SLC12A1: variants seen among roughly 807,000 people sequenced by gnomAD.
SLC12A1 encodes Na-K-2Cl cotransporter.
Under a neutral mutation model 130.4 loss-of-function variants are expected in SLC12A1, and 89 were observed. That is an observed-to-expected ratio of 0.68 (90% confidence interval 0.58 to 0.81). The LOEUF is 0.81. Ranked by LOEUF, SLC12A1 falls within the 40% of genes least tolerant of loss-of-function variation. The pLI, the probability that SLC12A1 is intolerant of heterozygous loss-of-function variation, is 0.00. For missense variants in SLC12A1, 1,310 were observed against 1,336.4 expected, an observed-to-expected ratio of 0.98 and a Z score of 0.31; for synonymous variants, 499 against 460.0, an observed-to-expected ratio of 1.08 and a Z score of -1.09.
At position 48,229,292 on chromosome 15, in the gene SLC12A1, G is replaced by A. The variant is rs3825960; in HGVS notation, c.828G>A (p.Val276=). 2,284 of 1,605,054 alleles carry A rather than the reference G, an allele frequency of 1.4e-3. 41 individuals carry two copies. In the East Asian group the frequency reaches 0.048, roughly 34 times the overall value. ...ATGCAGTGGCTGTTGCTATGTATGTGGTGGGATTTGCTGAGACTGTAGTAG... is the reference window on the plus strand; with the variant it reads ...ATGCAGTGGCTGTTGCTATGTATGTAGTGGGATTTGCTGAGACTGTAGTAG... ...FANAVAVAMY[V]VGFAETVVDL... Residue 276 remains valine (V), a synonymous_variant, in exon 6 of 27, where the codon GTG becomes GTA. Transcript: ENST00000380993.
intron 21 of SLC12A1, 44 bp downstream of exon 21, chr15:48,285,293 C>T (rs2042046042): frequency 6.3e-7 from 1 of 1,589,982 alleles, no homozygotes; most frequent in Non-Finnish European, 8.6e-7. Context: ...CAAGATGAGT[C>T]ACTATTTGAG....
chr15:48,283,951 G>T (rs1207524970), intron 20 of SLC12A1, among the ~76,000 whole-genome samples: 1 of 152,164 alleles, frequency 6.6e-6, no homozygotes, highest in East Asian at 1.9e-4. Flanking sequence ...TCAGTGCAGG[G>T]TGAGGTCAAA....
rs74011996 is a variant in SLC12A1, at chr15:48,301,512, A to G, written c.3164+130A>G. ...TTTTTGTGTTTTTTTTGGGGGGGGG[A>G]ACACGTGGGATTCTTAGACAGTGAA... On this transcript the variant is annotated intron_variant, in intron 26 of 26. Coordinates refer to ENST00000380993, the MANE Select transcript of SLC12A1 (RefSeq NM_000338.3). 5.7e-3 allele frequency: 2,878 copies of G among 502,372 alleles called. 202 individuals carry two copies. The African/African-American group carries it at 0.074, about 13-fold the overall frequency. 31.1% of individuals were successfully genotyped at this position (502,372 alleles called of 1,614,324 possible). A position where few individuals can be genotyped will look rare whatever the true frequency, so the allele number is the denominator to read the frequency against.
At position 48,247,568 on chromosome 15, in the gene SLC12A1, T is replaced by C. The variant is rs530232758; in HGVS notation, c.1684+108T>C. 1.1e-5 allele frequency: 9 copies of C among 842,082 alleles called. No individual in the cohort carries two copies. In the East Asian group the frequency reaches 2.2e-4, roughly 20 times the overall value. 52.2% of individuals were successfully genotyped at this position (842,082 alleles called of 1,614,324 possible). Reference sequence around the variant, plus strand: ...TACTCGTTTTATGTTTAGGATCCCATTTGGGAATATTGGCATCTAAGAAGG... The same window carrying C: ...TACTCGTTTTATGTTTAGGATCCCACTTGGGAATATTGGCATCTAAGAAGG... On this transcript the variant is annotated intron_variant, in intron 13 of 26. Coordinates refer to ENST00000380993, the MANE Select transcript of SLC12A1 (RefSeq NM_000338.3).
chr15:48,262,448 T>TTTGAAATTAATTTCAAATAATCATG (rs2041785996), intron 17 of SLC12A1, among the ~76,000 whole-genome samples: 2 of 152,146 alleles, frequency 1.3e-5, no homozygotes, highest in African/African-American at 2.4e-5. Flanking sequence ...AAATAATCAT[T>TTTGAAATTAATTTCAAATAATCATG]ATTTGAAATT....
intron 5 of SLC12A1, chr15:48,227,218 T>C: frequency 8.1e-7 from 1 of 1,228,886 alleles, no homozygotes; most frequent in Non-Finnish European, 1.2e-6. Flanking sequence ...TGGTTACTAG[T>C]AATGTCTGGA....
intron 17 of SLC12A1, among the ~76,000 whole-genome samples, chr15:48,264,289 A>G (rs1384709436): frequency 6.6e-6 from 1 of 152,192 alleles, no homozygotes; most frequent in Non-Finnish European, 1.5e-5. Flanking sequence ...TTTCTAAAAA[A>G]TTATAAAATA....
At chr15:48,208,388 C>T (rs1157648425) in intron 2 of SLC12A1, among the ~76,000 whole-genome samples, 2 of 151,996 alleles carry the variant, frequency 1.3e-5, no homozygotes, top group African/African-American at 2.4e-5. Context: ...GTGGTGGACA[C>T]TGCAGCTTTG....
At chr15:48,289,572 G>A (rs1279887596) in intron 23 of SLC12A1, among the ~76,000 whole-genome samples, 1 of 151,892 alleles carries the variant, frequency 6.6e-6, no homozygotes, top group Non-Finnish European at 1.5e-5. Context: ...ACATCATAGA[G>A]TGTACTTACA....
chr15:48,270,007 T>A (rs1416383560), intron 19 of SLC12A1, among the ~76,000 whole-genome samples: 1 of 152,132 alleles, frequency 6.6e-6, no homozygotes, highest in Non-Finnish European at 1.5e-5. Context: ...AAGTAAATGT[T>A]TAGAGTTACA....
rs777483086 is a variant in SLC12A1, at chr15:48,251,680, G to A, written c.1852G>A (p.Ala618Thr). The change falls in exon 15 of 27, where the codon GCA becomes ACA. Residue 618 changes from alanine to threonine, a missense_variant. Transcript: ENST00000380993. ...VSLFGAVLCC[A>T]VMFVINWWAA... ...TCTTTTTGGAGCTGTTTTGTGCTGT[G>A]CAGTCATGTTTGTCATCAACTGGTG... is the stretch of plus-strand genomic sequence containing the variant. 8.1e-6 allele frequency: 13 copies of A among 1,613,328 alleles called. No individual in the cohort carries two copies. Among genetic ancestry groups the A allele is most frequent in the Non-Finnish European group, 1.1e-5 (13 of 1,179,458 alleles).
At chr15:48,301,911 G>A (rs993276201) in intron 26 of SLC12A1, among the ~76,000 whole-genome samples, 2 of 152,282 alleles carry the variant, frequency 1.3e-5, no homozygotes, top group African/African-American at 2.4e-5. Context: ...TTACTTAAAG[G>A]TTGGTATTTA....
In SLC12A1 at chr15:48,226,586, A is replaced by T. The variant is rs762041441; in HGVS notation, c.724+15A>T. The stretch of plus-strand genomic sequence containing the variant: ...TGTTCGTGGAGGTAAAATCTCTAAG[A>T]TATCTAATGCCCTCATCACTTGCTA... On this transcript the variant is annotated intron_variant, in intron 5 of 26. Coordinates refer to ENST00000380993, the MANE Select transcript of SLC12A1 (RefSeq NM_000338.3). 1.2e-4 allele frequency: 176 copies of T among 1,512,720 alleles called. No individual in the cohort carries two copies. Among genetic ancestry groups the T allele is most frequent in the Non-Finnish European group, 1.3e-4 (146 of 1,089,554 alleles). The allele number at this position is 1,512,720 out of a possible 1,614,324, so 93.7% of individuals were successfully genotyped here.
chr15:48,254,122 AAAAGTTCT>A (rs2041677269), intron 15 of SLC12A1, among the ~76,000 whole-genome samples: 1 of 152,086 alleles, frequency 6.6e-6, no homozygotes, highest in South Asian at 2.1e-4. Context: ...TTTGAAGAGT[AAAAGTTCT>A]AAGTTTTTGT....
At chr15:48,295,363 C>A (rs1597461377) in intron 24 of SLC12A1, among the ~76,000 whole-genome samples, 1 of 152,132 alleles carries the variant, frequency 6.6e-6, no homozygotes, top group Non-Finnish European at 1.5e-5. Context: ...TTTCCTTCCC[C>A]TTCTTTCATA....
intron 2 of SLC12A1, among the ~76,000 whole-genome samples, chr15:48,217,207 C>G (rs982980842): frequency 2.0e-5 from 3 of 152,114 alleles, no homozygotes; most frequent in Admixed American, 1.3e-4. Context: ...CTAATAAATA[C>G]TTATATTGCA....
intron 19 of SLC12A1, among the ~76,000 whole-genome samples, chr15:48,270,556 C>T (rs758734225): frequency 1.0e-4 from 15 of 148,356 alleles, no homozygotes; most frequent in East Asian, 2.0e-4. Context: ...ATGACTATAA[C>T]GCTATGCTTT....
rs764009497 is a variant in SLC12A1 at position 48,259,288 on chromosome 15, T to G, written c.2131T>G (p.Cys711Gly). The G allele has an allele frequency of 6.2e-7, 1 of 1,613,174 alleles. No homozygotes were observed. The highest frequency in any genetic ancestry group is 8.5e-7 in the Non-Finnish European group (1 of 1,179,138). The part of the protein sequence containing the change: ...THAFTKNSGL[C>G]ICCEVFVGPR... The stretch of plus-strand genomic sequence containing the variant: ...CGCCTTTACCAAGAACAGTGGCCTT[T>G]GCATCTGCTGTGAAGTCTTTGTGGT... The change falls in exon 17 of 27, where the codon TGC becomes GGC. Residue 711 changes from cysteine to glycine, a missense_variant. Transcript: ENST00000380993.
intron 17 of SLC12A1, among the ~76,000 whole-genome samples, chr15:48,263,910 C>G (rs972226738): frequency 3.9e-5 from 6 of 152,100 alleles, no homozygotes; most frequent in Non-Finnish European, 7.3e-5. Context: ...CCAGGCTGGT[C>G]TCCAACTCCT....
Sources: allele counts gnomAD v4.1 joint callset (sites outside exome capture counted in the v4.1 genomes callset), GRCh38; gene constraint gnomAD v4.1.1; transcripts MANE v1.5; gene names NCBI Gene and HGNC (gene_info 2026-07-23, HGNC 2026-07-21).